The following TENM3 variants were observed in gnomAD, a reference collection of about 807,000 sequenced individuals.
TENM3 encodes the protein teneurin-3.
A neutral mutation model predicts 255.1 loss-of-function variants in TENM3; 63 were observed. The observed-to-expected ratio is 0.25, with a 90% CI of 0.20 to 0.30. The LOEUF is 0.30. Among genes scored for constraint, TENM3 ranks in the 10% least tolerant of loss-of-function variants. The pLI is 1.00. For missense variants in TENM3, 2,929 were observed against 3,461.1 expected (o/e 0.85, Z 3.86); for synonymous variants, 1,306 against 1,322.3 (o/e 0.99, Z 0.27).
the TENM3 span, among the ~76,000 whole-genome samples, chr4:181,649,183 C>T: frequency 6.6e-6 from 1 of 152,124 alleles, no homozygotes; most frequent in African/African-American, 2.4e-5. Flanking sequence ...GGCTGAGTAT[C>T]TGAATAAATG....
At chr4:182,498,631 A>T (rs1028333192) in intron 3 of TENM3, among the ~76,000 whole-genome samples, 7 of 152,074 alleles carry the variant, frequency 4.6e-5, no homozygotes, top group African/African-American at 1.7e-4. Context: ...AGGCAGGCAG[A>T]TCACCTGAGG....
At chr4:182,280,766 G>A (rs1267583874) in intron 1 of TENM3, among the ~76,000 whole-genome samples, 1 of 152,094 alleles carries the variant, frequency 6.6e-6, no homozygotes, top group Admixed American at 6.6e-5. Flanking sequence ...TCTACAAAAA[G>A]GGATCTCTTC....
At chr4:182,447,888 TAAAG>T (rs998167774) in intron 3 of TENM3, among the ~76,000 whole-genome samples, 11 of 152,210 alleles carry the variant, frequency 7.2e-5, no homozygotes, top group Admixed American at 3.9e-4. Context: ...GAAGAAAAAT[TAAAG>T]GAAGGACGTT....
chr4:182,055,756 G>C, the TENM3 span, among the ~76,000 whole-genome samples: 1 of 152,108 alleles, frequency 6.6e-6, no homozygotes, highest in Non-Finnish European at 1.5e-5. Flanking sequence ...GGGGTGGATG[G>C]ACAGGAGCTA....
chr4:182,066,942 A>G, the TENM3 span, among the ~76,000 whole-genome samples: 1 of 152,148 alleles, frequency 6.6e-6, no homozygotes, highest in African/African-American at 2.4e-5. Flanking sequence ...AACACAGAGG[A>G]CACATTAGCA....
chr4:182,220,991 G>A (rs966630631), intron 1 of TENM3, among the ~76,000 whole-genome samples: 4 of 152,068 alleles, frequency 2.6e-5, no homozygotes, highest in Non-Finnish European at 5.9e-5. Context: ...TTACCCCTTC[G>A]CTTAATCAGA....
upstream of TENM3, among the ~76,000 whole-genome samples, chr4:182,239,529 T>G (rs1757108767): frequency 6.6e-6 from 1 of 152,210 alleles, no homozygotes; most frequent in African/African-American, 2.4e-5. Context: ...AGTCTAACAT[T>G]TAGCATGCTG....
At chr4:182,356,942 T>C (rs910627159) in intron 3 of TENM3, among the ~76,000 whole-genome samples, 42 of 146,484 alleles carry the variant, frequency 2.9e-4, no homozygotes, top group Middle Eastern at 3.6e-3. Flanking sequence ...TGTTCAATTC[T>C]CACCTATGAG....
At chr4:182,534,767 A>G (rs1317277537) in intron 3 of TENM3, among the ~76,000 whole-genome samples, 1 of 152,260 alleles carries the variant, frequency 6.6e-6, no homozygotes, top group Non-Finnish European at 1.5e-5. Context: ...CAACTTGCCC[A>G]GGATTATACA....
chr4:181,581,532 G>C, the TENM3 span, among the ~76,000 whole-genome samples: 1 of 152,054 alleles, frequency 6.6e-6, no homozygotes, highest in African/African-American at 2.4e-5. Flanking sequence ...GCAGTCTTTT[G>C]TAAGACATAC....
At chr4:182,554,470 A>G (rs1742383908) in intron 3 of TENM3, among the ~76,000 whole-genome samples, 1 of 152,176 alleles carries the variant, frequency 6.6e-6, no homozygotes, top group Non-Finnish European at 1.5e-5. Context: ...AGTAATGTAA[A>G]TGCATCAGGA....
At chr4:181,637,225 CAA>C in the TENM3 span, among the ~76,000 whole-genome samples, 10 of 151,904 alleles carry the variant, frequency 6.6e-5, no homozygotes, top group African/African-American at 2.2e-4. Context: ...ATAACAACAA[CAA>C]AAAAAACTTC....
the TENM3 span, among the ~76,000 whole-genome samples, chr4:182,044,818 G>C: frequency 6.6e-6 from 1 of 152,308 alleles, no homozygotes; most frequent in Non-Finnish European, 1.5e-5. Flanking sequence ...GAAGGGGAAA[G>C]GGAAATCAGA....
intron 3 of TENM3, among the ~76,000 whole-genome samples, chr4:182,586,646 C>A (rs1264835108): frequency 1.3e-5 from 2 of 152,130 alleles, no homozygotes; most frequent in Admixed American, 6.5e-5. Flanking sequence ...TCTCATTGCA[C>A]GTGCCAAGAA....
chr4:182,206,146 A>C (rs1664309204), intron 1 of TENM3, among the ~76,000 whole-genome samples: 1 of 152,120 alleles, frequency 6.6e-6, no homozygotes, highest in Admixed American at 6.5e-5. Context: ...TAAGTGTTAA[A>C]AATGTTGCCT....
At chr4:181,482,651 G>T in the TENM3 span, among the ~76,000 whole-genome samples, 1 of 152,058 alleles carries the variant, frequency 6.6e-6, no homozygotes, top group African/African-American at 2.4e-5. Flanking sequence ...TCAAAAAAAG[G>T]TTCCCTTTCT....
At chr4:182,062,987 G>T in the TENM3 span, among the ~76,000 whole-genome samples, 1 of 152,320 alleles carries the variant, frequency 6.6e-6, no homozygotes, top group East Asian at 1.9e-4. Flanking sequence ...GTTTCAACAA[G>T]ACTGTGCTTT....
chr4:182,597,322 T>C (rs926844490), intron 3 of TENM3, among the ~76,000 whole-genome samples: 4 of 152,092 alleles, frequency 2.6e-5, no homozygotes, highest in South Asian at 4.2e-4. Flanking sequence ...GGCAGGAGGA[T>C]CACTTGAGCA....
chr4:182,028,701 C>T, the TENM3 span, among the ~76,000 whole-genome samples: 2 of 152,130 alleles, frequency 1.3e-5, no homozygotes, highest in African/African-American at 4.8e-5. Context: ...TCTTCATTGA[C>T]CCACTGGTCA....
Sources: allele counts gnomAD v4.1 joint callset (sites outside exome capture counted in the v4.1 genomes callset), GRCh38; gene constraint gnomAD v4.1.1; transcripts MANE v1.5; gene names NCBI Gene and HGNC (gene_info 2026-07-23, HGNC 2026-07-21).